Variants in DLC1 observed in about 807,000 individuals in gnomAD.
The protein encoded by DLC1 is DLC1 Rho GTPase activating protein.
DLC1 carries 54 observed loss-of-function variants against 140.3 expected under a neutral mutation model. The observed-to-expected ratio is 0.38, with a 90% CI of 0.31 to 0.48. The LOEUF (loss-of-function observed/expected upper bound fraction) is 0.48, where lower values mean the gene tolerates loss of function less well. Among genes scored for constraint, DLC1 ranks in the 20% least tolerant of loss-of-function variants. The pLI, the probability that DLC1 is intolerant of heterozygous loss-of-function variation, is 0.96. For missense variants in DLC1, 2,536 were observed against 1,907.0 expected, an observed-to-expected ratio of 1.33 and a Z score of -6.14; for synonymous variants, 986 against 728.1, an observed-to-expected ratio of 1.35 and a Z score of -5.70.
chr8:13,151,754 G>A (rs1660134444), intron 5 of DLC1, among the ~76,000 whole-genome samples: 1 of 152,144 alleles, frequency 6.6e-6, no homozygotes, highest in Non-Finnish European at 1.5e-5. Flanking sequence ...TGAAAATGAT[G>A]TGAAGAAAAC....
intron 1 of DLC1, among the ~76,000 whole-genome samples, chr8:13,524,456 G>T (rs1442770654): frequency 6.6e-6 from 1 of 152,010 alleles, no homozygotes; most frequent in African/African-American, 2.4e-5. Flanking sequence ...TGTTTTTGTT[G>T]TTGCTTTTCG....
intron 1 of DLC1, among the ~76,000 whole-genome samples, chr8:13,511,946 T>C (rs890539532): frequency 2.5e-4 from 38 of 152,136 alleles, no homozygotes; most frequent in African/African-American, 9.2e-4. Context: ...ATGAATAAGA[T>C]TAAACCATCC....
intron 5 of DLC1, among the ~76,000 whole-genome samples, chr8:13,144,279 AC>A (rs1246194196): frequency 1.3e-5 from 2 of 152,160 alleles, no homozygotes; most frequent in African/African-American, 4.8e-5. Flanking sequence ...TGGCCTTCAG[AC>A]TTGAACCAGT....
intron 4 of DLC1, among the ~76,000 whole-genome samples, chr8:13,338,420 A>C (rs1042304379): frequency 2.6e-5 from 4 of 152,150 alleles, no homozygotes; most frequent in African/African-American, 9.7e-5. Context: ...CCCTTGCTTG[A>C]TTTTTATTAG....
chr8:13,316,808 C>CTT (rs1387476710), intron 4 of DLC1, among the ~76,000 whole-genome samples: 1 of 152,172 alleles, frequency 6.6e-6, no homozygotes, highest in East Asian at 1.9e-4. Context: ...CCCCAACTGA[C>CTT]TGCAGTATCC....
At chr8:13,318,156 T>C (rs1439776920) in intron 4 of DLC1, among the ~76,000 whole-genome samples, 1 of 151,912 alleles carries the variant, frequency 6.6e-6, no homozygotes, top group African/African-American at 2.4e-5. Flanking sequence ...GTCTCCTGAG[T>C]AGCTAGGACT....
At chr8:13,171,349 C>A (rs763373307) in intron 5 of DLC1, among the ~76,000 whole-genome samples, 2 of 152,036 alleles carry the variant, frequency 1.3e-5, no homozygotes, top group African/African-American at 4.8e-5. Flanking sequence ...CACTAGGGAC[C>A]GAAATAACTC....
At chr8:13,162,510 A>G (rs1824782073) in intron 5 of DLC1, among the ~76,000 whole-genome samples, 1 of 152,086 alleles carries the variant, frequency 6.6e-6, no homozygotes, top group Non-Finnish European at 1.5e-5. Flanking sequence ...TTTAGTAGAG[A>G]CGGGGTTTCA....
intron 5 of DLC1, among the ~76,000 whole-genome samples, chr8:13,150,122 T>C (rs918315995): frequency 1.3e-5 from 2 of 149,924 alleles, no homozygotes; most frequent in African/African-American, 4.9e-5. Context: ...GGTGAATATA[T>C]GTTTCTCCAG....
chr8:13,243,102 C>T (rs529192439), intron 5 of DLC1, among the ~76,000 whole-genome samples: 81 of 150,226 alleles, frequency 5.4e-4, no homozygotes, highest in African/African-American at 1.9e-3. Flanking sequence ...CCACCCTGGC[C>T]AACATGGCAA....
At chr8:13,241,546 A>C (rs1829544886) in intron 5 of DLC1, among the ~76,000 whole-genome samples, 1 of 152,192 alleles carries the variant, frequency 6.6e-6, no homozygotes, top group South Asian at 2.1e-4. Context: ...CTGATATTTC[A>C]GTAAGAGTCT....
chr8:13,474,061 A>G (rs1043712874), intron 2 of DLC1, among the ~76,000 whole-genome samples: 2 of 152,200 alleles, frequency 1.3e-5, no homozygotes, highest in African/African-American at 2.4e-5. Flanking sequence ...TCTCCAGGGC[A>G]TGTCACAGGT....
intron 1 of DLC1, among the ~76,000 whole-genome samples, chr8:13,533,789 G>C (rs1331726020): frequency 6.6e-6 from 1 of 152,088 alleles, no homozygotes; most frequent in Non-Finnish European, 1.5e-5. Flanking sequence ...TTGGATAGTG[G>C]GGTTCTCACT....
intron 2 of DLC1, among the ~76,000 whole-genome samples, chr8:13,494,444 C>A (rs1249354370): frequency 6.6e-6 from 1 of 152,140 alleles, no homozygotes; most frequent in African/African-American, 2.4e-5. Flanking sequence ...AGGGTGCGAT[C>A]ACCCCTGTAG....
chr8:13,556,584 G>T (rs1295626775), intron 1 of DLC1, among the ~76,000 whole-genome samples: 1 of 152,116 alleles, frequency 6.6e-6, no homozygotes, highest in African/African-American at 2.4e-5. Context: ...TCTGGGCAGA[G>T]GTCATAAGCA....
chr8:13,597,756 A>G (rs1031162442), intron 1 of DLC1, among the ~76,000 whole-genome samples: 2 of 152,150 alleles, frequency 1.3e-5, no homozygotes, highest in Admixed American at 1.3e-4. Context: ...GTATCTCACT[A>G]TCTTGCTAAC....
rs1427578075 is a variant in DLC1 at position 13,456,442 on chromosome 8, C to T, written c.1023+42607G>A. ...GTAGATCTCCAATAACATACTTCTACTTCCTTTTTTATTTTTTTTTTTATT... is the reference window on the plus strand; with the variant it reads ...GTAGATCTCCAATAACATACTTCTATTTCCTTTTTTATTTTTTTTTTTATT... On this transcript the variant is annotated intron_variant, in intron 2 of 17. Transcript: ENST00000276297. Among the ~76,000 whole-genome samples, 3 of 148,450 alleles carry T rather than the reference C, an allele frequency of 2.0e-5. 1 individual carries two copies. The highest frequency in any genetic ancestry group is 4.4e-5 in the Non-Finnish European group (3 of 67,608).
At chr8:13,307,968 G>C (rs1248976996) in intron 4 of DLC1, among the ~76,000 whole-genome samples, 1 of 152,162 alleles carries the variant, frequency 6.6e-6, no homozygotes. Context: ...TACCTCTATA[G>C]GAATATTTTG....
chr8:13,142,453 A>G (rs2128971665), intron 5 of DLC1, among the ~76,000 whole-genome samples: 1 of 152,354 alleles, frequency 6.6e-6, no homozygotes, highest in East Asian at 1.9e-4. Flanking sequence ...AGAGGATTAG[A>G]AAAGTCTGCT....
Sources: gnomAD v4.1 joint callset for allele counts (sites outside exome capture counted in the v4.1 genomes callset) on GRCh38, gnomAD v4.1.1 for gene constraint, MANE v1.5 for transcripts, NCBI Gene and HGNC (gene_info 2026-07-23, HGNC 2026-07-21) for gene names.